DNM3: variants seen among roughly 807,000 people sequenced by gnomAD.
The protein encoded by DNM3 is dynamin 3, also known as dynamin-3.
DNM3 carries 47 observed loss-of-function variants against 101.6 expected under a neutral mutation model. The observed-to-expected ratio is 0.46, with a 90% CI of 0.37 to 0.59. DNM3 has a LOEUF of 0.59. DNM3 is among the 20% of genes least tolerant of loss of function. DNM3 has a pLI of 0.00. For missense variants in DNM3, 849 were observed against 1,085.7 expected, an observed-to-expected ratio of 0.78 and a Z score of 3.06; for synonymous variants, 385 against 387.9, an observed-to-expected ratio of 0.99 and a Z score of 0.09.
chr1:171,921,293 C>A (rs75704622), intron 1 of DNM3, among the ~76,000 whole-genome samples: 3,013 of 152,142 alleles, frequency 0.02, 98 homozygotes, highest in African/African-American at 0.068. Flanking sequence ...TTAGAGGATA[C>A]AATCTAATGT....
chr1:172,007,756 G>A (rs1479652067), intron 4 of DNM3, among the ~76,000 whole-genome samples: 1 of 151,818 alleles, frequency 6.6e-6, no homozygotes, highest in Admixed American at 6.6e-5. Context: ...TGTAGTTTTA[G>A]GTTTTAAAAA....
chr1:172,266,705 T>A (rs2062872995), intron 15 of DNM3, among the ~76,000 whole-genome samples: 1 of 152,154 alleles, frequency 6.6e-6, no homozygotes, highest in African/African-American at 2.4e-5. Flanking sequence ...ATGAAATGTA[T>A]GTTATCCTAT....
At chr1:172,392,886 C>T (rs1261746754) in intron 20 of DNM3, among the ~76,000 whole-genome samples, 1 of 152,162 alleles carries the variant, frequency 6.6e-6, no homozygotes, top group Non-Finnish European at 1.5e-5. Flanking sequence ...TTGGGTTTTA[C>T]TCCAGCTCAT....
chr1:171,841,755 G>C lies in DNM3; in HGVS notation c.99G>C (p.Gln33His). 1 of 1,610,688 alleles carries C rather than the reference G, an allele frequency of 6.2e-7. No homozygotes were observed. Among genetic ancestry groups the C allele is most frequent in the East Asian group, 2.2e-5 (1 of 44,828 alleles). ...LGQSCLLELP[Q>H]IAVVGGQSAG... ...AGAGCTGCCTGCTGGAGCTGCCGCAGATCGCCGTGGTGGGCGGCCAGAGCG... is the reference window on the plus strand; with the variant it reads ...AGAGCTGCCTGCTGGAGCTGCCGCACATCGCCGTGGTGGGCGGCCAGAGCG... Residue 33 changes from glutamine to histidine, a missense_variant, in exon 1 of 21, where the codon CAG (glutamine) becomes CAC (histidine). This residue lies in a region of DNM3 where 388 missense variants were observed against 483.0 expected (regional missense o/e 0.80). Transcript: ENST00000627582.
intron 14 of DNM3, among the ~76,000 whole-genome samples, chr1:172,151,511 A>G (rs970516607): frequency 1.3e-5 from 2 of 152,224 alleles, no homozygotes; most frequent in Non-Finnish European, 2.9e-5. Flanking sequence ...TTCCTCTGGT[A>G]CAATTTACTT....
rs1009407385 is a variant in DNM3, at chr1:172,408,457, C to G, written c.*616C>G. ...CTGCACTGTTTGCTCTAAAGAGCTT[C>G]TCCTCATTCCAATGTGTTTTGCTTC... On this transcript the variant is annotated 3_prime_UTR_variant, in exon 21 of 21. Transcript: ENST00000627582. 5.1e-5 allele frequency: 50 copies of G among 985,274 alleles called. No homozygotes were observed. The highest frequency in any genetic ancestry group is 5.9e-5 in the Non-Finnish European group (49 of 829,926). The allele number at this position is 985,274 out of a possible 1,614,324, so 61.0% of individuals were successfully genotyped here. A position where few individuals can be genotyped will look rare whatever the true frequency, so the allele number is the denominator to read the frequency against.
At chr1:172,146,386 G>A (rs2057900507) in intron 14 of DNM3, among the ~76,000 whole-genome samples, 1 of 152,100 alleles carries the variant, frequency 6.6e-6, no homozygotes, top group African/African-American at 2.4e-5. Context: ...GAATTATCTG[G>A]CATCTTAGGA....
intron 2 of DNM3, among the ~76,000 whole-genome samples, chr1:171,984,040 T>A (rs1014779973): frequency 3.6e-4 from 55 of 152,184 alleles, no homozygotes; most frequent in African/African-American, 1.2e-3. Flanking sequence ...TCCTTGATGC[T>A]TCTCTTTCTC....
intron 14 of DNM3, among the ~76,000 whole-genome samples, chr1:172,142,735 G>GA (rs2057651858): frequency 7.4e-6 from 1 of 135,154 alleles, no homozygotes; most frequent in Non-Finnish European, 1.6e-5. Context: ...CATTTCTAGA[G>GA]TAAAAAAAAA....
chr1:172,136,631 T>G (rs2057245932), intron 14 of DNM3: 1 of 152,142 alleles, frequency 6.6e-6, no homozygotes, highest in African/African-American at 2.4e-5. Context: ...TATAGGATTA[T>G]TCATACAAAT....
intron 15 of DNM3, among the ~76,000 whole-genome samples, chr1:172,302,267 G>A (rs545095902): frequency 6.6e-6 from 1 of 152,358 alleles, no homozygotes; most frequent in Admixed American, 6.5e-5. Context: ...CTTGCTCACT[G>A]CTAGTACAGC....
At chr1:171,871,956 T>C (rs201935351) in intron 1 of DNM3, among the ~76,000 whole-genome samples, 1 of 138,214 alleles carries the variant, frequency 7.2e-6, no homozygotes, top group South Asian at 2.3e-4. Flanking sequence ...TTTTTTTTTT[T>C]CAATTTAGCC....
intron 10 of DNM3, among the ~76,000 whole-genome samples, chr1:172,061,918 C>G (rs2051258995): frequency 2.6e-5 from 4 of 152,220 alleles, no homozygotes; most frequent in South Asian, 2.1e-4. Flanking sequence ...GCCATCCAGT[C>G]AAACTCTGTG....
rs1026862087 is a variant in DNM3, at chr1:172,286,070, A to T, written c.1770-22658A>T. ...TTAGAACTTTTAAAGTGAGTTATTT[A>T]TATATATATATATATACTATTATCA... On this transcript the variant is annotated intron_variant, in intron 15 of 20. Transcript: ENST00000627582. Among the ~76,000 whole-genome samples the T allele has an allele frequency of 4.7e-5, 7 of 149,354 alleles. No individual in the cohort carries two copies. In the East Asian group the frequency reaches 7.8e-4, roughly 17 times the overall value.
At chr1:172,214,642 T>C (rs1317834523) in intron 14 of DNM3, among the ~76,000 whole-genome samples, 2 of 152,102 alleles carry the variant, frequency 1.3e-5, no homozygotes, top group African/African-American at 2.4e-5. Context: ...TTAATTATTA[T>C]ATACTATAGT....
intron 10 of DNM3, among the ~76,000 whole-genome samples, chr1:172,051,017 C>T (rs1400060237): frequency 6.6e-6 from 1 of 152,104 alleles, no homozygotes; most frequent in African/African-American, 2.4e-5. Context: ...CCATTATGCT[C>T]CTTGGATTGG....
In DNM3 at chr1:172,381,911, G is replaced by A. The variant is rs535094787; in HGVS notation, c.2058+2729G>A. On this transcript the variant is annotated intron_variant, in intron 18 of 20. Coordinates refer to ENST00000627582, the MANE Select transcript of DNM3 (RefSeq NM_015569.5). ...ATTTCTTCCTGGTCTATCAAAAGCG[G>A]TGTTCTGGCCTTTCCTCTTTGAAAT... 1.9e-4 allele frequency among the ~76,000 whole-genome samples: 29 copies of A among 152,198 alleles called. No individual in the cohort carries two copies. The South Asian group carries it at 5.4e-3, about 28-fold the overall frequency.
chr1:171,962,737 A>G (rs1200415920), intron 2 of DNM3, among the ~76,000 whole-genome samples: 1 of 152,128 alleles, frequency 6.6e-6, no homozygotes, highest in African/African-American at 2.4e-5. Flanking sequence ...TCCTCCCAAT[A>G]TGATTACATT....
intron 14 of DNM3, among the ~76,000 whole-genome samples, chr1:172,142,856 T>C (rs1018724603): frequency 2.0e-5 from 3 of 151,758 alleles, no homozygotes; most frequent in Non-Finnish European, 4.4e-5. Flanking sequence ...AAAAATGAGC[T>C]CCTCTAAGTT....
Sources: gnomAD v4.1 joint callset for allele counts (sites outside exome capture counted in the v4.1 genomes callset) on GRCh38, gnomAD v4.1.1 for gene constraint, gnomAD v4.1.1 regional missense constraint, MANE v1.5 for transcripts, NCBI Gene and HGNC (gene_info 2026-07-23, HGNC 2026-07-21) for gene names.